Variants in SLC25A33 observed in about 807,000 individuals in gnomAD.
SLC25A33 encodes solute carrier family 25 member 33, also known as bone marrow stromal cell mitochondrial carrier protein.
SLC25A33 carries 15 observed loss-of-function variants against 35.5 expected under a neutral mutation model. The ratio of observed to expected loss-of-function variants is 0.42; its 90% confidence interval spans 0.28 to 0.65. The LOEUF is 0.65. Ranked by LOEUF, SLC25A33 falls within the 30% of genes least tolerant of loss-of-function variation. The probability of loss-of-function intolerance (pLI) is 0.20; values close to 1 mark genes in which losing one functional copy is unlikely to be tolerated. For synonymous variants in SLC25A33, 136 were observed against 148.7 expected (o/e 0.91, Z 0.62); for missense variants, 257 against 398.5 (o/e 0.64, Z 3.02).
chr1:9,553,997 C>T (rs1028593913), intron 2 of SLC25A33, among the ~76,000 whole-genome samples, 192 bp downstream of exon 2: 1 of 152,310 alleles, frequency 6.6e-6, no homozygotes, highest in Non-Finnish European at 1.5e-5. Context: ...TCCCAGTGTA[C>T]ATGTGACCAT....
chr1:9,559,193 G>A (rs1643385369), intron 2 of SLC25A33, among the ~76,000 whole-genome samples: 2 of 152,140 alleles, frequency 1.3e-5, no homozygotes, highest in South Asian at 4.1e-4. Context: ...TTTATCCGTA[G>A]CACTTACGTC....
intron 4 of SLC25A33, among the ~76,000 whole-genome samples, chr1:9,570,810 T>G (rs1474552382): frequency 6.6e-6 from 1 of 150,916 alleles, no homozygotes; most frequent in Non-Finnish European, 1.5e-5. Flanking sequence ...CCTCCCAAGT[T>G]AAAGTGGTTC....
intron 1 of SLC25A33, among the ~76,000 whole-genome samples, chr1:9,553,208 T>G (rs1303673593): frequency 5.8e-5 from 7 of 119,816 alleles, no homozygotes; most frequent in South Asian, 5.5e-4. Context: ...GTTTTGTTTT[T>G]TTTTTTTTTT....
chr1:9,541,141 T>C (rs1643073375), intron 1 of SLC25A33, among the ~76,000 whole-genome samples: 2 of 146,046 alleles, frequency 1.4e-5, no homozygotes, highest in South Asian at 4.4e-4. Flanking sequence ...CCACCAAGCC[T>C]GGCTAATTTT....
At chr1:9,549,437 T>A (rs1569845341) in intron 1 of SLC25A33, among the ~76,000 whole-genome samples, 1 of 50,746 alleles carries the variant, frequency 2.0e-5, no homozygotes, top group Non-Finnish European at 3.4e-5. Context: ...GAACTGATGG[T>A]GGGATCAATG....
chr1:9,571,776 C>CTA (rs1557534985), intron 4 of SLC25A33, among the ~76,000 whole-genome samples: 1 of 152,124 alleles, frequency 6.6e-6, no homozygotes, highest in African/African-American at 2.4e-5. Context: ...GTAGCTGGAA[C>CTA]TATAGCTGCA....
At position 9,553,819 on chromosome 1, in the gene SLC25A33, T is replaced by C. The variant is rs1227920205; in HGVS notation, c.236+14T>C. The C allele has an allele frequency of 1.9e-6, 3 of 1,605,746 alleles. No individual in the cohort carries two copies. The highest frequency in any genetic ancestry group is 2.6e-6 in the Non-Finnish European group (3 of 1,174,216). The stretch of plus-strand genomic sequence containing the variant: ...TCAGGTTCTGAAGTAAGTTCAGTCT[T>C]GTCTGCTCCTGCCACCTGCACACCC... On this transcript the variant is annotated intron_variant, in intron 2 of 6. Coordinates refer to ENST00000302692, the MANE Select transcript of SLC25A33 (RefSeq NM_032315.3).
intron 5 of SLC25A33, among the ~76,000 whole-genome samples, chr1:9,575,563 C>T (rs189052990): frequency 4.6e-5 from 7 of 151,574 alleles, no homozygotes; most frequent in Non-Finnish European, 1.0e-4. Flanking sequence ...TGCAGTGAGC[C>T]GAGATCACAC....
intron 5 of SLC25A33, chr1:9,576,667 C>G: frequency 1.6e-6 from 1 of 632,432 alleles, no homozygotes. Flanking sequence ...GGGTGTTACA[C>G]TGGGCTTCTG....
At chr1:9,550,593 A>T (rs374836893) in intron 1 of SLC25A33, among the ~76,000 whole-genome samples, 1 of 152,086 alleles carries the variant, frequency 6.6e-6, no homozygotes, top group East Asian at 1.9e-4. Context: ...TGTGGTTATT[A>T]TGACAGGTAG....
chr1:9,555,284 AT>A (rs1031555060), intron 2 of SLC25A33, among the ~76,000 whole-genome samples: 28 of 151,442 alleles, frequency 1.8e-4, no homozygotes, highest in Non-Finnish European at 3.1e-4. Context: ...CACCCAGCTA[AT>A]TTTTTTGTAT....
At chr1:9,560,899 G>A (rs1163207994) in intron 2 of SLC25A33, among the ~76,000 whole-genome samples, 1 of 150,626 alleles carries the variant, frequency 6.6e-6, no homozygotes, top group Admixed American at 6.6e-5. Context: ...AAATCTTCTG[G>A]CTTAATATTT....
intron 5 of SLC25A33, chr1:9,576,480 T>C (rs1408960707): frequency 6.7e-6 from 3 of 448,264 alleles, no homozygotes; most frequent in Non-Finnish European, 1.3e-5. Flanking sequence ...ATGTCAACAT[T>C]ACCCTGAAGA....
intron 5 of SLC25A33, chr1:9,576,404 G>GAT: frequency 5.5e-6 from 2 of 365,716 alleles, no homozygotes; most frequent in South Asian, 4.2e-5. Context: ...AGCCAGGTGG[G>GAT]CTTTGCCGTG....
chr1:9,572,176 G>C (rs1643599043), intron 4 of SLC25A33, among the ~76,000 whole-genome samples: 1 of 152,232 alleles, frequency 6.6e-6, no homozygotes, highest in South Asian at 2.1e-4. Context: ...AGGAAAGGCA[G>C]AGTTCCAAAA....
At chr1:9,569,558 A>G (rs909502239) in intron 3 of SLC25A33, among the ~76,000 whole-genome samples, 1 of 152,210 alleles carries the variant, frequency 6.6e-6, no homozygotes, top group Non-Finnish European at 1.5e-5. Flanking sequence ...CACAACAATG[A>G]TAAGTAGTTA....
intron 4 of SLC25A33, among the ~76,000 whole-genome samples, chr1:9,571,790 C>T (rs957747216): frequency 6.6e-6 from 1 of 152,084 alleles, no homozygotes; most frequent in Non-Finnish European, 1.5e-5. Flanking sequence ...AGCTGCATGC[C>T]ACCATGCCCA....
intron 2 of SLC25A33, among the ~76,000 whole-genome samples, chr1:9,563,581 G>T (rs1210237814): frequency 6.6e-6 from 1 of 152,218 alleles, no homozygotes; most frequent in Non-Finnish European, 1.5e-5. Context: ...GGAGAAAGTG[G>T]AAGAGGTAGA....
At chr1:9,575,876 G>T (rs899558587) in intron 5 of SLC25A33, among the ~76,000 whole-genome samples, 1 of 152,150 alleles carries the variant, frequency 6.6e-6, no homozygotes, top group Non-Finnish European at 1.5e-5. Context: ...CAGTCCTGTA[G>T]TTTTCCAAAA....
Sources: allele counts gnomAD v4.1 joint callset (sites outside exome capture counted in the v4.1 genomes callset), GRCh38; gene constraint gnomAD v4.1.1; transcripts MANE v1.5; gene names NCBI Gene and HGNC (gene_info 2026-07-23, HGNC 2026-07-21).